The following PLCB1 variants were observed in gnomAD, a reference collection of about 807,000 sequenced individuals.
PLCB1 encodes the protein 1-phosphatidylinositol 4,5-bisphosphate phosphodiesterase beta-1.
A neutral mutation model predicts 161.8 loss-of-function variants in PLCB1; 46 were observed. The ratio of observed to expected loss-of-function variants is 0.28; its 90% CI spans 0.22 to 0.36. PLCB1 has a LOEUF of 0.36. Ranked by LOEUF, PLCB1 falls within the 10% of genes least tolerant of loss-of-function variation. PLCB1 has a pLI of 1.00. For missense variants in PLCB1, 1,016 were observed against 1,472.5 expected (o/e 0.69, Z 5.07); for synonymous variants, 517 against 503.7 (o/e 1.03, Z -0.35).
rs1278047796 is a variant in PLCB1 at position 8,633,231 on chromosome 20, G to A, written c.384+4800G>A. 2.6e-5 allele frequency among the ~76,000 whole-genome samples: 4 copies of A among 152,076 alleles called. No homozygotes were observed. The East Asian group carries it at 7.7e-4, about 29-fold the overall frequency. ...AAAGATGCATGGAATCAAAGACGAT[G>A]TTAAAGTTCTGGCCCAAGAGGAAAA... On this transcript the variant is annotated intron_variant, in intron 4 of 31. Transcript: ENST00000338037.
intron 2 of PLCB1, among the ~76,000 whole-genome samples, chr20:8,271,673 A>C (rs577696562): frequency 1.3e-5 from 2 of 152,244 alleles, no homozygotes; most frequent in Admixed American, 1.3e-4. Context: ...CAAGGTAGAG[A>C]GTCTTGTCTC....
chr20:8,693,482 A>G (rs1215807653), intron 10 of PLCB1, among the ~76,000 whole-genome samples: 2 of 152,196 alleles, frequency 1.3e-5, no homozygotes, highest in Non-Finnish European at 2.9e-5. Flanking sequence ...CAGTTTCCTC[A>G]GGTGTAGCCA....
chr20:8,807,078 G>C (rs1311595986), intron 31 of PLCB1, among the ~76,000 whole-genome samples: 1 of 152,194 alleles, frequency 6.6e-6, no homozygotes, highest in Non-Finnish European at 1.5e-5. Context: ...GACAAAGAAG[G>C]CGTCTACCAG....
chr20:8,539,652 C>CT (rs1985212175), intron 3 of PLCB1, among the ~76,000 whole-genome samples: 1 of 92,344 alleles, frequency 1.1e-5, no homozygotes, highest in African/African-American at 4.5e-5. Context: ...TTCTTTCTTT[C>CT]TTTCTTTCTT....
At chr20:8,561,401 G>T (rs1986137307) in intron 3 of PLCB1, among the ~76,000 whole-genome samples, 1 of 151,894 alleles carries the variant, frequency 6.6e-6, no homozygotes, top group Non-Finnish European at 1.5e-5. Flanking sequence ...TCTGTTCTAA[G>T]ATAGTCGGGA....
intron 3 of PLCB1, among the ~76,000 whole-genome samples, chr20:8,551,622 A>G (rs910716595): frequency 1.3e-5 from 2 of 151,988 alleles, no homozygotes; most frequent in African/African-American, 4.8e-5. Flanking sequence ...CCCTCAAACC[A>G]TGATCTATGG....
chr20:8,476,737 T>C (rs970550929), intron 3 of PLCB1, among the ~76,000 whole-genome samples: 1 of 152,164 alleles, frequency 6.6e-6, no homozygotes, highest in African/African-American at 2.4e-5. Context: ...GGATACAGCA[T>C]CCTTGGAGCA....
intron 11 of PLCB1, among the ~76,000 whole-genome samples, chr20:8,701,461 T>A (rs1397936840): frequency 6.6e-6 from 1 of 152,184 alleles, no homozygotes; most frequent in East Asian, 1.9e-4. Context: ...GGGACCCATC[T>A]ATTTAATACT....
At chr20:8,696,195 A>G (rs1990579867) in intron 10 of PLCB1, among the ~76,000 whole-genome samples, 1 of 152,176 alleles carries the variant, frequency 6.6e-6, no homozygotes, top group African/African-American at 2.4e-5. Context: ...TGAGGTAAGG[A>G]TCCAAGTTCT....
chr20:8,778,291 C>T (rs189828875), intron 27 of PLCB1, among the ~76,000 whole-genome samples: 1 of 152,222 alleles, frequency 6.6e-6, no homozygotes, highest in Non-Finnish European at 1.5e-5. Context: ...GAGATTTGAG[C>T]TGCAGGAATA....
chr20:8,640,728 T>C (rs2123262718), intron 4 of PLCB1, among the ~76,000 whole-genome samples: 1 of 152,272 alleles, frequency 6.6e-6, no homozygotes, highest in East Asian at 1.9e-4. Flanking sequence ...GGAGGAGGTC[T>C]CCCCAGTGGA....
At chr20:8,329,397 C>T (rs1350486647) in intron 2 of PLCB1, among the ~76,000 whole-genome samples, 1 of 151,758 alleles carries the variant, frequency 6.6e-6, no homozygotes, top group East Asian at 1.9e-4. Flanking sequence ...CAGTGATCCA[C>T]CTGCCTCGGC....
chr20:8,334,786 T>C (rs1177283708), intron 2 of PLCB1, among the ~76,000 whole-genome samples: 2 of 152,214 alleles, frequency 1.3e-5, no homozygotes, highest in Non-Finnish European at 2.9e-5. Flanking sequence ...TGTGGTCTTT[T>C]GTTCTTTTAT....
intron 3 of PLCB1, among the ~76,000 whole-genome samples, chr20:8,590,256 C>T (rs1051278692): frequency 2.6e-5 from 4 of 152,072 alleles, no homozygotes; most frequent in Non-Finnish European, 5.9e-5. Context: ...GCACAATGTA[C>T]CTATGACAAA....
chr20:8,157,292 T>C (rs112341098), intron 2 of PLCB1, among the ~76,000 whole-genome samples: 4,052 of 152,262 alleles, frequency 0.027, 85 homozygotes, highest in Middle Eastern at 0.071. Flanking sequence ...TAGGAGAAAA[T>C]TGTATTATTC....
At chr20:8,770,529 C>CTGGGCA (rs1241693133) in intron 26 of PLCB1, among the ~76,000 whole-genome samples, 1 of 152,182 alleles carries the variant, frequency 6.6e-6, no homozygotes. Context: ...CTCAGGAGGT[C>CTGGGCA]CAGATGACAT....
At chr20:8,762,240 A>T (rs1982079346) in intron 25 of PLCB1, among the ~76,000 whole-genome samples, 1 of 152,202 alleles carries the variant, frequency 6.6e-6, no homozygotes, top group South Asian at 2.1e-4. Flanking sequence ...TTCATGGGAA[A>T]CAACACCATA....
intron 2 of PLCB1, among the ~76,000 whole-genome samples, chr20:8,226,434 G>A (rs1247438396): frequency 6.6e-6 from 1 of 152,138 alleles, no homozygotes; most frequent in Non-Finnish European, 1.5e-5. Flanking sequence ...ACATGAATGA[G>A]GAGAAGCTGG....
At chr20:8,497,256 A>T (rs1983218912) in intron 3 of PLCB1, among the ~76,000 whole-genome samples, 1 of 152,200 alleles carries the variant, frequency 6.6e-6, no homozygotes, top group Non-Finnish European at 1.5e-5. Context: ...TGCTGCCTAT[A>T]TATATGCATA....
Sources: gnomAD v4.1 joint callset for allele counts (sites outside exome capture counted in the v4.1 genomes callset) on GRCh38, gnomAD v4.1.1 for gene constraint, MANE v1.5 for transcripts, NCBI Gene and HGNC (gene_info 2026-07-23, HGNC 2026-07-21) for gene names.